ANO10: variants seen among roughly 807,000 people sequenced by gnomAD.
ANO10 encodes anoctamin 10, also known as anoctamin-10.
Under a neutral mutation model 74.7 loss-of-function variants are expected in ANO10, and 77 were observed. The ratio of observed to expected loss-of-function variants is 1.03; its 90% CI spans 0.86 to 1.25. The LOEUF is 1.25. Among genes scored for constraint, ANO10 ranks in the 50% most tolerant of loss-of-function variants. The probability of loss-of-function intolerance (pLI) is 0.00; values close to 1 mark genes in which losing one functional copy is unlikely to be tolerated. For synonymous variants in ANO10, 279 were observed against 284.9 expected (o/e 0.98, Z 0.21); for missense variants, 721 against 778.1 (o/e 0.93, Z 0.87).
intron 11 of ANO10, among the ~76,000 whole-genome samples, chr3:43,527,437 C>T (rs965950468): frequency 2.0e-5 from 3 of 152,040 alleles, no homozygotes; most frequent in Non-Finnish European, 4.4e-5. Flanking sequence ...TGCCTGAACA[C>T]ACCAAAATGA....
chr3:43,479,903 A>T (rs1278747898), intron 11 of ANO10, among the ~76,000 whole-genome samples: 1 of 152,180 alleles, frequency 6.6e-6, no homozygotes, highest in Admixed American at 6.5e-5. Context: ...ATCAAGTGAG[A>T]CTGAACTACA....
intron 12 of ANO10, among the ~76,000 whole-genome samples, chr3:43,395,940 G>C (rs914211990): frequency 2.0e-5 from 3 of 152,220 alleles, no homozygotes; most frequent in Non-Finnish European, 4.4e-5. Context: ...AGCAGCCACA[G>C]ACAACCTGCA....
chr3:43,543,374 A>G (rs760138758), intron 11 of ANO10, among the ~76,000 whole-genome samples: 1 of 152,192 alleles, frequency 6.6e-6, no homozygotes, highest in East Asian at 1.9e-4. Context: ...ATAAGACTCA[A>G]TTCTGCTTCT....
intron 11 of ANO10, chr3:43,484,827 T>C (rs1339460706): frequency 1.6e-4 from 80 of 512,906 alleles, no homozygotes; most frequent in Non-Finnish European, 1.7e-5. Context: ...TAGGATTTTA[T>C]TTTTGGTTTA....
chr3:43,598,534 A>T lies in ANO10; in HGVS notation c.470T>A (p.Leu157Ter), dbSNP rs1286072529. ...PQAKLYPGKS[L>*]LRRLLTSGIV... ...GACTGGTTGACATAATGACTTACACAATGATTTTCCTGGATACAACTTTGC... is the reference window on the plus strand; with the variant it reads ...GACTGGTTGACATAATGACTTACACTATGATTTTCCTGGATACAACTTTGC... The change falls in exon 4 of 13, where the codon TTG (leucine) becomes TAG (stop). Residue 157 changes from leucine to a stop codon, truncating the protein, a stop_gained and splice_region_variant. Transcript: ENST00000292246. LOFTEE classifies it high-confidence loss of function. 6.2e-7 allele frequency: 1 copy of T among 1,613,092 alleles called. No individual in the cohort carries two copies. Among genetic ancestry groups the T allele is most frequent in the Middle Eastern group, 1.7e-4 (1 of 6,052 alleles).
At chr3:43,533,877 T>C (rs1362086306) in intron 11 of ANO10, among the ~76,000 whole-genome samples, 3 of 152,206 alleles carry the variant, frequency 2.0e-5, no homozygotes, top group Non-Finnish European at 4.4e-5. Context: ...ATTTTGTTAA[T>C]TGCCAATAGC....
At chr3:43,488,594 G>C (rs1166874930) in intron 11 of ANO10, among the ~76,000 whole-genome samples, 1 of 152,020 alleles carries the variant, frequency 6.6e-6, no homozygotes, top group East Asian at 1.9e-4. Flanking sequence ...GGCCATCAGA[G>C]AAATGCAAAT....
intron 1 of ANO10, among the ~76,000 whole-genome samples, chr3:43,683,733 T>TA (rs1314094887): frequency 6.6e-6 from 1 of 151,972 alleles, no homozygotes; most frequent in Non-Finnish European, 1.5e-5. Flanking sequence ...AAAACAGAGA[T>TA]ATAGACCAAT....
rs558702481 is a variant in ANO10 at position 43,670,013 on chromosome 3, C to T, written c.-12+21504G>A. ...TGCTGGGATTACAGGCATGAGCCAC[C>T]GCGCCCAGCTTTTTAGTTTATTTTT... On this transcript the variant is annotated intron_variant, in intron 1 of 3. Coordinates refer to the ANO10 transcript ENST00000413397. Among the ~76,000 whole-genome samples the T allele has an allele frequency of 4.6e-4, 70 of 152,148 alleles. 1 individual carries two copies. The highest frequency in any genetic ancestry group is 1.5e-3 in the African/African-American group (63 of 41,526).
At chr3:43,657,588 A>C (rs1211954430) in intron 1 of ANO10, among the ~76,000 whole-genome samples, 1 of 152,222 alleles carries the variant, frequency 6.6e-6, no homozygotes, top group Non-Finnish European at 1.5e-5. Flanking sequence ...TGGAATATGA[A>C]TCTTGAACTG....
intron 1 of ANO10, among the ~76,000 whole-genome samples, chr3:43,628,918 G>A (rs963535547): frequency 2.0e-5 from 3 of 152,148 alleles, no homozygotes; most frequent in African/African-American, 7.2e-5. Flanking sequence ...TTTTAATTTC[G>A]CCCCAGTCCT....
intron 12 of ANO10, chr3:43,372,701 T>G: frequency 1.4e-6 from 1 of 694,004 alleles, no homozygotes; most frequent in Non-Finnish European, 2.5e-6. Flanking sequence ...TGCAGATTTT[T>G]TTTCTGTCTT....
intron 1 of ANO10, chr3:43,637,717 G>C (rs2083629460): frequency 6.6e-6 from 1 of 151,886 alleles, no homozygotes; most frequent in Non-Finnish European, 1.5e-5. Flanking sequence ...ACTCCACTTT[G>C]TAGAACTAAG....
intron 11 of ANO10, among the ~76,000 whole-genome samples, chr3:43,498,384 G>A (rs921684445): frequency 6.6e-6 from 1 of 152,200 alleles, no homozygotes. Flanking sequence ...CTGATTGAGG[G>A]AAGAACTGTG....
intron 4 of ANO10, among the ~76,000 whole-genome samples, chr3:43,585,004 C>T (rs558575655): frequency 2.6e-5 from 4 of 152,100 alleles, no homozygotes; most frequent in East Asian, 3.9e-4. Flanking sequence ...AGCTTTTCCT[C>T]TTATTTCTAT....
intron 1 of ANO10, among the ~76,000 whole-genome samples, chr3:43,614,345 T>C (rs547542789): frequency 4.1e-4 from 62 of 152,306 alleles, no homozygotes; most frequent in Non-Finnish European, 8.4e-4. Flanking sequence ...ATGCCTTTCA[T>C]TATGCAAGGC....
chr3:43,390,555 C>T (rs959323213), intron 12 of ANO10, among the ~76,000 whole-genome samples: 13 of 152,222 alleles, frequency 8.5e-5, no homozygotes, highest in Admixed American at 2.6e-4. Context: ...CACAGGTGCT[C>T]CATTCTGTGG....
rs965922199 is a variant in ANO10 at position 43,686,523 on chromosome 3, C to G, written c.-12+4994G>C. Among the ~76,000 whole-genome samples, 39 of 152,068 alleles carry G rather than the reference C, an allele frequency of 2.6e-4. 1 individual carries two copies. The highest frequency in any genetic ancestry group is 1.3e-4 in the Non-Finnish European group (9 of 68,006). On this transcript the variant is annotated intron_variant, in intron 1 of 3. Coordinates refer to the ANO10 transcript ENST00000413397. ...CTGGTCCTGAACTCCTGGGCTCAAG[C>G]GATCCACCCATCTTGGCCTCCCAAA...
intron 1 of ANO10, among the ~76,000 whole-genome samples, chr3:43,665,021 CT>C (rs1175607144): frequency 2.0e-5 from 3 of 152,294 alleles, no homozygotes; most frequent in Non-Finnish European, 4.4e-5. Context: ...AATCCCATTA[CT>C]GGGTATATAC....
Sources: gnomAD v4.1 joint callset for allele counts (sites outside exome capture counted in the v4.1 genomes callset) on GRCh38, gnomAD v4.1.1 for gene constraint, MANE v1.5 for transcripts, NCBI Gene and HGNC (gene_info 2026-07-23, HGNC 2026-07-21) for gene names.